PGBD2: variants seen among roughly 807,000 people sequenced by gnomAD.
PGBD2 encodes the protein piggyBac transposable element-derived protein 2.
A neutral mutation model predicts 8.1 loss-of-function variants in PGBD2; 6 were observed. The ratio of observed to expected loss-of-function variants is 0.74; its 90% CI spans 0.40 to 1.46. The LOEUF is 1.46. Among genes scored for constraint, PGBD2 ranks in the 40% most tolerant of loss-of-function variants. The probability of loss-of-function intolerance (pLI) is 0.02; values close to 1 mark genes in which losing one functional copy is unlikely to be tolerated. For missense variants in PGBD2, 802 were observed against 739.0 expected (o/e 1.09, Z -0.99); for synonymous variants, 318 against 272.2 (o/e 1.17, Z -1.66).
upstream of PGBD2, among the ~76,000 whole-genome samples, chr1:248,901,624 A>G (rs567131248): frequency 8.5e-5 from 13 of 152,358 alleles, no homozygotes; most frequent in African/African-American, 3.1e-4. Flanking sequence ...GTAAAATCCA[A>G]AACTATAAAA....
chr1:248,924,102 C>T (rs1662339466), downstream of PGBD2, among the ~76,000 whole-genome samples: 2 of 152,246 alleles, frequency 1.3e-5, no homozygotes, highest in African/African-American at 4.8e-5. Context: ...AGCCACAAGT[C>T]ACTGGCCCCT....
chr1:248,874,342 G>C, the PGBD2 span, among the ~76,000 whole-genome samples: 3 of 152,182 alleles, frequency 2.0e-5, no homozygotes, highest in Non-Finnish European at 4.4e-5. Flanking sequence ...AAAAACTGTT[G>C]CCGCAGGGCT....
chr1:248,885,314 T>G, the PGBD2 span, among the ~76,000 whole-genome samples: 55 of 151,842 alleles, frequency 3.6e-4, no homozygotes, highest in African/African-American at 1.3e-3. Context: ...TTTAATTTTT[T>G]TTTTTTTGTA....
chr1:248,900,676 T>C, the PGBD2 span, among the ~76,000 whole-genome samples: 5 of 152,180 alleles, frequency 3.3e-5, no homozygotes, highest in Non-Finnish European at 7.4e-5. Context: ...TTTTAAAAAC[T>C]GGCACAAGAC....
At chr1:248,892,182 A>G in the PGBD2 span, among the ~76,000 whole-genome samples, 6 of 152,302 alleles carry the variant, frequency 3.9e-5, no homozygotes, top group East Asian at 3.9e-4. Context: ...ACATCTTTCT[A>G]TATAAGGGTT....
At chr1:248,882,523 A>C in the PGBD2 span, among the ~76,000 whole-genome samples, 2 of 152,222 alleles carry the variant, frequency 1.3e-5, no homozygotes, top group African/African-American at 4.8e-5. Context: ...GAAGCTAGAC[A>C]ATCGGTTAGA....
At chr1:248,921,213 C>T (rs1662279993), downstream of PGBD2, among the ~76,000 whole-genome samples, 1 of 152,120 alleles carries the variant, frequency 6.6e-6, no homozygotes, top group South Asian at 2.1e-4. Flanking sequence ...GAAGTCTTTG[C>T]CCATGCCTAT....
At chr1:248,906,937 A>T (rs1661664902) in intron 1 of PGBD2, among the ~76,000 whole-genome samples, 1 of 152,074 alleles carries the variant, frequency 6.6e-6, no homozygotes, top group Admixed American at 6.6e-5. Context: ...CTGCCCTTCC[A>T]CACCTGTGGG....
the PGBD2 span, among the ~76,000 whole-genome samples, chr1:248,897,049 A>G: frequency 6.6e-6 from 1 of 152,248 alleles, no homozygotes. Flanking sequence ...GACCTGTGCT[A>G]ACATTCTTAA....
Position 248,917,736 on chromosome 1 carries a change from A to T in PGBD2, c.1152A>T (p.Leu384=), listed in dbSNP as rs560753822. 6 of 1,614,114 alleles carry T rather than the reference A, an allele frequency of 3.7e-6. No individual in the cohort carries two copies. Among genetic ancestry groups the T allele is most frequent in the Non-Finnish European group, 5.1e-6 (6 of 1,180,052 alleles). The change falls in exon 3 of 3, where the codon CTA becomes CTT. Residue 384 remains leucine (L), a synonymous_variant. Coordinates refer to ENST00000329291, the MANE Select transcript of PGBD2 (RefSeq NM_170725.3). The part of the protein sequence containing the change: ...VREYRTERCP[L]KDPKELKKMK... Reference sequence around the variant, plus strand: ...AGTACAGGACTGAGCGATGTCCCCTAAAAGACCCCAAAGAACTGAAAAAAA... The same window carrying T: ...AGTACAGGACTGAGCGATGTCCCCTTAAAGACCCCAAAGAACTGAAAAAAA...
At chr1:248,889,272 C>G in the PGBD2 span, among the ~76,000 whole-genome samples, 3 of 152,098 alleles carry the variant, frequency 2.0e-5, no homozygotes, top group East Asian at 5.8e-4. Context: ...GTAATCCTAG[C>G]TACTCAGGAG....
At chr1:248,892,102 T>G in the PGBD2 span, among the ~76,000 whole-genome samples, 1 of 152,208 alleles carries the variant, frequency 6.6e-6, no homozygotes, top group Non-Finnish European at 1.5e-5. Context: ...AGAATGGAAG[T>G]CAGTGCTCCA....
intron 2 of PGBD2, 64 bp downstream of exon 2, chr1:248,913,943 C>G: frequency 7.2e-7 from 1 of 1,384,592 alleles, no homozygotes; most frequent in East Asian, 2.3e-5. Flanking sequence ...TTTGAAAGGC[C>G]AGGTCCATGA....
At chr1:248,878,805 G>A in the PGBD2 span, among the ~76,000 whole-genome samples, 5 of 152,096 alleles carry the variant, frequency 3.3e-5, no homozygotes, top group Admixed American at 3.3e-4. Flanking sequence ...ATTTTCTATG[G>A]CTAAGATGGT....
the PGBD2 span, among the ~76,000 whole-genome samples, chr1:248,887,598 G>A: frequency 3.3e-5 from 5 of 152,172 alleles, no homozygotes; most frequent in South Asian, 2.1e-4. Flanking sequence ...GATGATGGGA[G>A]CGAAACACAC....
chr1:248,897,561 G>C, the PGBD2 span, among the ~76,000 whole-genome samples: 1 of 152,194 alleles, frequency 6.6e-6, no homozygotes, highest in Non-Finnish European at 1.5e-5. Flanking sequence ...CAGGGCCTTG[G>C]GTCCCAGGCA....
rs1472284663 is a variant in PGBD2 at position 248,917,639 on chromosome 1, A to G, written c.1055A>G (p.Lys352Arg). The change falls in exon 3 of 3, where the codon AAG becomes AGG. Residue 352 changes from lysine to arginine, a missense_variant. Transcript: ENST00000329291. ...CTGCCATATCACATATTTTTTGACAAGGTTTTCACAAGTGTTAAACTGATG... is the reference window on the plus strand; with the variant it reads ...CTGCCATATCACATATTTTTTGACAGGGTTTTCACAAGTGTTAAACTGATG... ...GFLPYHIFFD[K>R]VFTSVKLMSI... is the part of the protein sequence containing the mutation. 6.2e-7 allele frequency: 1 copy of G among 1,614,116 alleles called. No individual in the cohort carries two copies. The highest frequency in any genetic ancestry group is 1.3e-5 in the African/African-American group (1 of 74,924).
At chr1:248,889,749 C>G in the PGBD2 span, among the ~76,000 whole-genome samples, 1 of 152,026 alleles carries the variant, frequency 6.6e-6, no homozygotes, top group East Asian at 1.9e-4. Context: ...CATTCCTTTC[C>G]CTTCAGGTGC....
intron 1 of PGBD2, among the ~76,000 whole-genome samples, chr1:248,908,425 G>A (rs987581777): frequency 6.6e-6 from 1 of 152,128 alleles, no homozygotes; most frequent in Non-Finnish European, 1.5e-5. Context: ...CCAGCCATAG[G>A]GTGCCTGAAA....
Sources: allele counts gnomAD v4.1 joint callset (sites outside exome capture counted in the v4.1 genomes callset), GRCh38; gene constraint gnomAD v4.1.1; transcripts MANE v1.5; gene names NCBI Gene and HGNC (gene_info 2026-07-23, HGNC 2026-07-21).